Variants in PAMR1 observed in about 807,000 individuals in gnomAD.
The protein encoded by PAMR1 is inactive serine protease PAMR1.
Under a neutral mutation model 81.8 loss-of-function variants are expected in PAMR1, and 88 were observed. The ratio of observed to expected loss-of-function variants is 1.08; its 90% CI spans 0.91 to 1.28. The LOEUF is 1.28. Ranked by LOEUF, PAMR1 falls within the 50% of genes most tolerant of loss-of-function variation. The pLI is 0.00. For missense variants in PAMR1, 935 were observed against 919.7 expected, an observed-to-expected ratio of 1.02 and a Z score of -0.21; for synonymous variants, 336 against 345.3, an observed-to-expected ratio of 0.97 and a Z score of 0.30.
chr11:35,486,202 C>A (rs575979202), intron 3 of PAMR1, among the ~76,000 whole-genome samples: 1 of 152,314 alleles, frequency 6.6e-6, no homozygotes, highest in East Asian at 1.9e-4. Context: ...AAGAAATGCT[C>A]CATCAGTGCT....
intron 6 of PAMR1, among the ~76,000 whole-genome samples, chr11:35,462,364 C>T (rs984005758): frequency 3.3e-5 from 5 of 152,200 alleles, no homozygotes; most frequent in African/African-American, 9.6e-5. Context: ...TTCTTTACAA[C>T]AGTGACACTG....
intron 6 of PAMR1, among the ~76,000 whole-genome samples, chr11:35,465,288 T>C (rs1856735834): frequency 6.6e-6 from 1 of 152,150 alleles, no homozygotes; most frequent in Non-Finnish European, 1.5e-5. Flanking sequence ...TTAATGTTGA[T>C]TTTGGTCATT....
At chr11:35,485,577 C>T (rs1253540528) in intron 3 of PAMR1, among the ~76,000 whole-genome samples, 1 of 152,220 alleles carries the variant, frequency 6.6e-6, no homozygotes, top group Non-Finnish European at 1.5e-5. Flanking sequence ...CTGGATAATA[C>T]AACCTGCCAA....
intron 4 of PAMR1, among the ~76,000 whole-genome samples, chr11:35,471,460 G>T (rs554754211): frequency 1.3e-5 from 2 of 152,044 alleles, no homozygotes; most frequent in African/African-American, 4.8e-5. Context: ...GTTGGAGAAT[G>T]AAAAAAAGCT....
At chr11:35,504,028 T>A (rs599060) in intron 1 of PAMR1, among the ~76,000 whole-genome samples, 1 of 151,948 alleles carries the variant, frequency 6.6e-6, no homozygotes, top group African/African-American at 2.4e-5. Context: ...ATGGCCTTTA[T>A]TATTTTGGAC....
intron 6 of PAMR1, among the ~76,000 whole-genome samples, chr11:35,448,010 G>A (rs1438446947): frequency 3.3e-5 from 5 of 152,140 alleles, no homozygotes; most frequent in Admixed American, 1.3e-4. Context: ...CTGAGATATC[G>A]ACTGTTAGTT....
chr11:35,524,376 G>C (rs192694430), intron 1 of PAMR1, among the ~76,000 whole-genome samples: 1 of 152,312 alleles, frequency 6.6e-6, no homozygotes, highest in Admixed American at 6.5e-5. Flanking sequence ...GGGGGTTTGT[G>C]TATCTCAGCT....
intron 6 of PAMR1, among the ~76,000 whole-genome samples, chr11:35,464,882 A>G (rs543498616): frequency 9.9e-5 from 15 of 152,200 alleles, no homozygotes; most frequent in Non-Finnish European, 2.1e-4. Context: ...CATTAGGAAA[A>G]TAAAGAGAAT....
intron 6 of PAMR1, among the ~76,000 whole-genome samples, chr11:35,461,104 A>T (rs913865804): frequency 6.6e-6 from 1 of 152,210 alleles, no homozygotes; most frequent in African/African-American, 2.4e-5. Flanking sequence ...TAGTAGGTAG[A>T]CAGTCCATCC....
Position 35,441,511 on chromosome 11 carries a change from A to G in PAMR1, c.1003T>C (p.Trp335Arg), listed in dbSNP as rs2135342243. 6.2e-7 allele frequency: 1 copy of G among 1,613,144 alleles called. No individual in the cohort carries two copies. The highest frequency in any genetic ancestry group is 1.3e-5 in the African/African-American group (1 of 74,980). Residue 335 changes from tryptophan to arginine, a missense_variant, in exon 7 of 11, where the codon TGG becomes CGG. By Grantham distance (101) the Trp-to-Arg change is moderately radical (BLOSUM62 -3). Transcript: ENST00000619888. Reference sequence around the variant, plus strand: ...ATGCAGATGGGCTGTTTCCCTGACCACTCTCCATTCTGCTGGCAAGTTCTT... The same window carrying G: ...ATGCAGATGGGCTGTTTCCCTGACCGCTCTCCATTCTGCTGGCAAGTTCTT... Reference protein sequence around the residue: ...EKRTCQQNGEWSGKQPICIKA... With the variant: ...EKRTCQQNGERSGKQPICIKA...
chr11:35,475,606 G>GA (rs1234269829), intron 3 of PAMR1, among the ~76,000 whole-genome samples: 1 of 152,200 alleles, frequency 6.6e-6, no homozygotes, highest in East Asian at 1.9e-4. Flanking sequence ...AAAGTTTGGG[G>GA]AAAATGTCTT....
intron 1 of PAMR1, among the ~76,000 whole-genome samples, chr11:35,511,959 T>C (rs952758539): frequency 1.4e-4 from 21 of 152,256 alleles, no homozygotes; most frequent in Non-Finnish European, 2.8e-4. Flanking sequence ...AGCCAACCTG[T>C]CACCAAGTGA....
chr11:35,498,249 GA>G (rs1850763897), intron 1 of PAMR1, among the ~76,000 whole-genome samples: 1 of 152,160 alleles, frequency 6.6e-6, no homozygotes. Context: ...TTTTAATTGT[GA>G]AAAGTCGAGG....
chr11:35,510,673 CTTA>C (rs1851056138), intron 1 of PAMR1, among the ~76,000 whole-genome samples: 1 of 152,094 alleles, frequency 6.6e-6, no homozygotes, highest in African/African-American at 2.4e-5. Flanking sequence ...AACATAGAGT[CTTA>C]TTATCTCTCA....
At chr11:35,504,257 G>A (rs1387317924) in intron 1 of PAMR1, among the ~76,000 whole-genome samples, 2 of 152,092 alleles carry the variant, frequency 1.3e-5, no homozygotes, top group African/African-American at 4.8e-5. Flanking sequence ...CTTCTAATGT[G>A]TTGTTGAATT....
intron 1 of PAMR1, among the ~76,000 whole-genome samples, chr11:35,503,757 A>T (rs188085272): frequency 1.3e-5 from 2 of 152,174 alleles, no homozygotes; most frequent in East Asian, 1.9e-4. Flanking sequence ...CAGTTCTAAC[A>T]GTTTTTTGGT....
intron 1 of PAMR1, among the ~76,000 whole-genome samples, chr11:35,494,622 C>A (rs985310347): frequency 6.6e-6 from 1 of 152,154 alleles, no homozygotes; most frequent in Admixed American, 6.5e-5. Context: ...CGTGAGCCAC[C>A]GCACCCGGCC....
Position 35,501,518 on chromosome 11 carries a change from T to C in PAMR1, c.74-7246A>G, listed in dbSNP as rs112093345. Among the ~76,000 whole-genome samples, 1,153 of 152,180 alleles carry C rather than the reference T, an allele frequency of 7.6e-3. 11 individuals are homozygous for C. Among genetic ancestry groups the C allele is most frequent in the African/African-American group, 0.026 (1,094 of 41,544 alleles). Reference sequence around the variant, plus strand: ...GTACAGTTGTACAAAAATATTTTCTTTATGTTTTTATACTATATGTTTTTT... The same window carrying C: ...GTACAGTTGTACAAAAATATTTTCTCTATGTTTTTATACTATATGTTTTTT... On this transcript the variant is annotated intron_variant, in intron 1 of 10. Coordinates refer to ENST00000619888, the MANE Select transcript of PAMR1 (RefSeq NM_001001991.3).
At chr11:35,504,383 G>A (rs1435530670) in intron 1 of PAMR1, among the ~76,000 whole-genome samples, 1 of 152,074 alleles carries the variant, frequency 6.6e-6, no homozygotes, top group Non-Finnish European at 1.5e-5. Flanking sequence ...ATAGGGCAAT[G>A]CTAGCCTCAT....
Sources: allele counts gnomAD v4.1 joint callset (sites outside exome capture counted in the v4.1 genomes callset), GRCh38; gene constraint gnomAD v4.1.1; transcripts MANE v1.5; gene names NCBI Gene and HGNC (gene_info 2026-07-23, HGNC 2026-07-21).